Variants in CNTNAP2 observed in about 807,000 individuals in gnomAD.
CNTNAP2 encodes contactin-associated protein-like 2.
Under a neutral mutation model 155.2 loss-of-function variants are expected in CNTNAP2, and 98 were observed. The ratio of observed to expected loss-of-function variants is 0.63; its 90% CI spans 0.54 to 0.75. CNTNAP2 has a LOEUF of 0.75. CNTNAP2 is among the 30% of genes least tolerant of loss of function. The pLI is 0.00. For missense variants in CNTNAP2, 1,727 were observed against 1,688.1 expected, an observed-to-expected ratio of 1.02 and a Z score of -0.40; for synonymous variants, 651 against 631.2, an observed-to-expected ratio of 1.03 and a Z score of -0.47.
At position 147,131,794 on chromosome 7, in the gene CNTNAP2, C is replaced by T. The variant is rs187827245; in HGVS notation, c.1084-451C>T. On this transcript the variant is annotated intron_variant, in intron 7 of 23. Coordinates refer to ENST00000361727, the MANE Select transcript of CNTNAP2 (RefSeq NM_014141.6). ...TAAATTGCAAACATATGACCATAGT[C>T]CCCACTGAGACCAGAGTAATATGTT... 1.3e-3 allele frequency among the ~76,000 whole-genome samples: 199 copies of T among 152,106 alleles called. 1 individual carries two copies. In the Middle Eastern group the frequency reaches 0.02, roughly 16 times the overall value.
intron 1 of CNTNAP2, among the ~76,000 whole-genome samples, chr7:146,380,277 C>A (rs1290654317): frequency 2.0e-5 from 3 of 152,126 alleles, no homozygotes; most frequent in Non-Finnish European, 4.4e-5. Flanking sequence ...TACTGTTTAG[C>A]AGTGCTTTTT....
intron 14 of CNTNAP2, among the ~76,000 whole-genome samples, chr7:147,948,351 G>A (rs1285589565): frequency 6.6e-6 from 1 of 151,650 alleles, no homozygotes; most frequent in Non-Finnish European, 1.5e-5. Context: ...TACTTGAGGG[G>A]ATGGATTCCC....
intron 20 of CNTNAP2, among the ~76,000 whole-genome samples, chr7:148,235,606 T>G (rs1249717141): frequency 6.6e-6 from 1 of 152,068 alleles, no homozygotes; most frequent in Non-Finnish European, 1.5e-5. Context: ...TCTGGGAGGC[T>G]CTTCCTTGTG....
chr7:147,016,304 A>G (rs561106570), intron 3 of CNTNAP2, among the ~76,000 whole-genome samples: 1 of 152,128 alleles, frequency 6.6e-6, no homozygotes, highest in Middle Eastern at 3.4e-3. Context: ...TCTGAGTTCA[A>G]GCCGGATGTG....
chr7:146,983,900 C>A (rs1315844791), intron 3 of CNTNAP2, among the ~76,000 whole-genome samples: 1 of 151,996 alleles, frequency 6.6e-6, no homozygotes, highest in African/African-American at 2.4e-5. Flanking sequence ...TTATAAATAC[C>A]CATGGTGAAA....
chr7:148,168,843 G>T (rs1805722997), intron 17 of CNTNAP2, among the ~76,000 whole-genome samples: 1 of 152,154 alleles, frequency 6.6e-6, no homozygotes, highest in Non-Finnish European at 1.5e-5. Context: ...ATAGACAAAA[G>T]GTTAACATGT....
intron 1 of CNTNAP2, among the ~76,000 whole-genome samples, chr7:146,371,901 G>A (rs1311944788): frequency 6.6e-6 from 1 of 150,768 alleles, no homozygotes. Flanking sequence ...GGAGGTTGCA[G>A]TAAGCCAAGA....
intron 8 of CNTNAP2, among the ~76,000 whole-genome samples, chr7:147,215,884 T>C (rs1270174819): frequency 6.6e-6 from 1 of 152,154 alleles, no homozygotes; most frequent in Non-Finnish European, 1.5e-5. Context: ...TTTGGCCATT[T>C]TAGGTATGTA....
At chr7:148,367,863 C>T (rs1347354283) in intron 21 of CNTNAP2, among the ~76,000 whole-genome samples, 1 of 151,848 alleles carries the variant, frequency 6.6e-6, no homozygotes, top group South Asian at 2.1e-4. Flanking sequence ...GTAATTTGCA[C>T]CTCCTGAAGT....
intron 2 of CNTNAP2, among the ~76,000 whole-genome samples, chr7:146,798,579 C>G (rs750149380): frequency 6.6e-6 from 1 of 152,090 alleles, no homozygotes; most frequent in Admixed American, 6.6e-5. Context: ...CTCCTGGGCT[C>G]AAGCAATCCT....
At chr7:147,527,214 A>G (rs530595077) in intron 11 of CNTNAP2, among the ~76,000 whole-genome samples, 15 of 151,788 alleles carry the variant, frequency 9.9e-5, no homozygotes, top group East Asian at 3.9e-4. Flanking sequence ...TAGTAGAGAC[A>G]GGGTTTCACT....
chr7:148,061,878 T>TATAGATAGATAGATAGATAG lies in CNTNAP2; in HGVS notation c.2384-56224_2384-56205dup, dbSNP rs199822052. On this transcript the variant is annotated intron_variant, in intron 15 of 23. Transcript: ENST00000361727. ...AGATATAGATAGATAGATAAACAGA[T>TATAGATAGATAGATAGATAG]ATAGATAGATAGATAGATAGATAGA... 1.3e-4 allele frequency among the ~76,000 whole-genome samples: 15 copies of TATAGATAGATAGATAGATAG among 112,182 alleles called. 3 individuals carry two copies. The highest frequency in any genetic ancestry group is 3.6e-4 in the African/African-American group (11 of 30,422). 73.6% of individuals were successfully genotyped at this position (112,182 alleles called of 152,430 possible). A position where few individuals can be genotyped will look rare whatever the true frequency, so the allele number is the denominator to read the frequency against.
At chr7:147,155,670 G>C (rs1801910757) in intron 8 of CNTNAP2, among the ~76,000 whole-genome samples, 1 of 152,098 alleles carries the variant, frequency 6.6e-6, no homozygotes, top group Admixed American at 6.6e-5. Context: ...GACATGTATT[G>C]TATTTTACCA....
chr7:146,834,081 A>AT (rs914503344), intron 2 of CNTNAP2, among the ~76,000 whole-genome samples: 40 of 151,132 alleles, frequency 2.6e-4, no homozygotes, highest in Non-Finnish European at 3.8e-4. Context: ...CCCTAATTGA[A>AT]TTTTTTTTTC....
intron 2 of CNTNAP2, among the ~76,000 whole-genome samples, chr7:146,780,325 G>A (rs1416990231): frequency 6.6e-6 from 1 of 151,858 alleles, no homozygotes; most frequent in Non-Finnish European, 1.5e-5. Context: ...AGCTGGGACT[G>A]CAGGCGCCCG....
At chr7:148,254,646 G>C (rs1046995196) in intron 20 of CNTNAP2, among the ~76,000 whole-genome samples, 2 of 151,814 alleles carry the variant, frequency 1.3e-5, no homozygotes, top group Non-Finnish European at 2.9e-5. Context: ...CTTGGTGGCG[G>C]GCACCTGTAG....
intron 17 of CNTNAP2, among the ~76,000 whole-genome samples, chr7:148,166,525 G>A (rs1805663843): frequency 6.6e-6 from 1 of 151,116 alleles, no homozygotes; most frequent in African/African-American, 2.4e-5. Context: ...CATTGTTTTT[G>A]CCCTTTTTGT....
At chr7:146,325,200 G>A (rs1268582507) in intron 1 of CNTNAP2, among the ~76,000 whole-genome samples, 2 of 151,838 alleles carry the variant, frequency 1.3e-5, no homozygotes, top group African/African-American at 2.4e-5. Context: ...CAAAGTGCTG[G>A]GATTACAGAC....
At chr7:147,110,483 G>A (rs1468490066) in intron 5 of CNTNAP2, among the ~76,000 whole-genome samples, 1 of 151,978 alleles carries the variant, frequency 6.6e-6, no homozygotes, top group Non-Finnish European at 1.5e-5. Context: ...TAAGTATTAA[G>A]GCTGGCATCC....
Sources: allele counts gnomAD v4.1 joint callset (sites outside exome capture counted in the v4.1 genomes callset), GRCh38; gene constraint gnomAD v4.1.1; transcripts MANE v1.5; gene names NCBI Gene and HGNC (gene_info 2026-07-23, HGNC 2026-07-21).